The following BARHL2 variants were observed in gnomAD, a reference collection of about 807,000 sequenced individuals.
BARHL2 encodes the protein BarH like homeobox 2.
BARHL2 carries 10 observed loss-of-function variants against 27.1 expected under a neutral mutation model. The ratio of observed to expected loss-of-function variants is 0.37; its 90% CI spans 0.23 to 0.63. The LOEUF is 0.63. Among genes scored for constraint, BARHL2 ranks in the 20% least tolerant of loss-of-function variants. The pLI, the probability that BARHL2 is intolerant of heterozygous loss-of-function variation, is 0.65. For synonymous variants in BARHL2, 248 were observed against 224.7 expected (o/e 1.10, Z -0.93); for missense variants, 483 against 533.5 (o/e 0.91, Z 0.93).
In BARHL2 at chr1:90,711,618, C is replaced by G. The variant is rs185565149; in HGVS notation, c.*694G>C. On this transcript the variant is annotated 3_prime_UTR_variant, in exon 3 of 3. Transcript: ENST00000370445. ...TATTTTTGTCTAAGCATTTATTTTA[C>G]TGAATCGAAAAGACATGAAAAGAAA... 3.3e-5 allele frequency: 5 copies of G among 152,190 alleles called. No homozygotes were observed. Among genetic ancestry groups the G allele is most frequent in the Admixed American group, 2.0e-4 (3 of 15,292 alleles). 9.4% of individuals were successfully genotyped at this position (152,190 alleles called of 1,614,324 possible).
Position 90,717,248 on chromosome 1 carries a change from G to C in BARHL2, c.-53C>G, listed in dbSNP as rs758549445. 221 of 1,569,338 alleles carry C rather than the reference G, an allele frequency of 1.4e-4. 1 individual carries two copies. The highest frequency in any genetic ancestry group is 1.1e-3 in the Admixed American group (53 of 48,772). ...CGTTCAGCAGCCGCCCCGAACCAGC[G>C]AAGAAAGCTATCGATCGTAAAACAA... On this transcript the variant is annotated 5_prime_UTR_variant, in exon 1 of 3. Transcript: ENST00000370445.
At position 90,716,812 on chromosome 1, in the gene BARHL2, C is replaced by T; in HGVS notation, c.384G>A (p.Leu128=). 1.3e-6 allele frequency: 2 copies of T among 1,552,810 alleles called. No individual in the cohort carries two copies. The highest frequency in any genetic ancestry group is 1.7e-6 in the Non-Finnish European group (2 of 1,147,928). The change falls in exon 1 of 3, where the codon CTG becomes CTA. Residue 128 remains leucine, a synonymous_variant. Transcript: ENST00000370445. ...QQPPPPPPQQ[L]GSAASAPRTS... is the part of the protein sequence containing the mutation. ...TCCTGGGGGCCGAGGCGGCCGAGCC[C>T]AGCTGCTGGGGGGGCGGCGGCGGCG...
chr1:90,712,959 C>A (rs2100640140), intron 2 of BARHL2, among the ~76,000 whole-genome samples: 1 of 152,264 alleles, frequency 6.6e-6, no homozygotes, highest in East Asian at 1.9e-4. Context: ...TTCCTTAGGG[C>A]CAAAGGAGAC....
chr1:90,715,181 T>C (rs1246369255), intron 1 of BARHL2, among the ~76,000 whole-genome samples: 3 of 150,770 alleles, frequency 2.0e-5, no homozygotes, highest in African/African-American at 7.3e-5. Context: ...TTTTTTTTTT[T>C]TTTTTTTTTT....
intron 1 of BARHL2, 55 bp downstream of exon 1, chr1:90,716,516 T>G: frequency 6.4e-7 from 1 of 1,563,714 alleles, no homozygotes; most frequent in Non-Finnish European, 8.8e-7. Context: ...GAAGGGGAGA[T>G]TGGGAACCAG....
rs1220915341 is a variant in BARHL2, at chr1:90,716,916, G to A, written c.280C>T (p.Pro94Ser). 1 of 1,605,552 alleles carries A rather than the reference G, an allele frequency of 6.2e-7. No individual in the cohort carries two copies. The highest frequency in any genetic ancestry group is 8.5e-7 in the Non-Finnish European group (1 of 1,177,698). Reference protein sequence around the residue: ...HHHHLHHSQQPPPPAAAPTQS... With the variant: ...HHHHLHHSQQSPPPAAAPTQS... ...GTCGGGGCCGCGGCCGGCGGCGGCG[G>A]CTGCTGGCTGTGGTGGAGGTGGTGA... The change falls in exon 1 of 3, where the codon CCG becomes TCG. Residue 94 changes from proline (P) to serine (S), a missense_variant. Physicochemically the swap from Pro to Ser is moderately conservative, Grantham distance 74 (BLOSUM62 -1). Coordinates refer to ENST00000370445, the MANE Select transcript of BARHL2 (RefSeq NM_020063.2).
In BARHL2 at chr1:90,716,803, G is replaced by A; in HGVS notation, c.393C>T (p.Ala131=). ...ACGTGGAAGTCCTGGGGGCCGAGGC[G>A]GCCGAGCCCAGCTGCTGGGGGGGCG... ...PPPPPQQLGS[A]ASAPRTSTSS... The change falls in exon 1 of 3, where the codon GCC becomes GCT. Residue 131 remains alanine, a synonymous_variant. Coordinates refer to ENST00000370445, the MANE Select transcript of BARHL2 (RefSeq NM_020063.2). The A allele has an allele frequency of 1.3e-6, 2 of 1,552,786 alleles. No individual in the cohort carries two copies. The highest frequency in any genetic ancestry group is 8.7e-7 in the Non-Finnish European group (1 of 1,147,932).
In BARHL2 at chr1:90,717,221, G is replaced by T; in HGVS notation, c.-26C>A. The T allele has an allele frequency of 1.3e-6, 2 of 1,595,750 alleles. No homozygotes were observed. Among genetic ancestry groups the T allele is most frequent in the Non-Finnish European group, 1.7e-6 (2 of 1,174,216 alleles). On this transcript the variant is annotated 5_prime_UTR_variant, in exon 1 of 3. Transcript: ENST00000370445. ...TGCTACATGAGGTCCACGCCACTCC[G>T]CCGTTCAGCAGCCGCCCCGAACCAG...
rs1260114961 is a variant in BARHL2 at position 90,712,388 on chromosome 1, T to C, written c.1088A>G (p.His363Arg). 3 of 1,587,834 alleles carry C rather than the reference T, an allele frequency of 1.9e-6. No homozygotes were observed. Among genetic ancestry groups the C allele is most frequent in the Non-Finnish European group, 2.6e-6 (3 of 1,165,586 alleles). The change falls in exon 3 of 3, where the codon CAC (histidine) becomes CGC (arginine). Residue 363 changes from histidine to arginine, a missense_variant. His to Arg is a conservative substitution (Grantham distance 29, BLOSUM62 0). Transcript: ENST00000370445. ...QRPLVPRVLI[H>R]GLGPGGQPAL... ...TGGCTGTCCCCCAGGCCCTAGGCCG[T>C]GGATGAGCACACGGGGCACCAGGGG... is the stretch of plus-strand genomic sequence containing the variant.
At position 90,716,815 on chromosome 1, in the gene BARHL2, C is replaced by A; in HGVS notation, c.381G>T (p.Gln127His). Residue 127 changes from glutamine (Q) to histidine (H), a missense_variant, in exon 1 of 3, where the codon CAG becomes CAT. Gln to His is a conservative substitution (Grantham distance 24, BLOSUM62 0). Around this residue, in one of 3 missense-constraint regions of BARHL2, gnomAD observed 304 missense variants for 284.9 expected, o/e 1.07. Transcript: ENST00000370445. Reference sequence around the variant, plus strand: ...TGGGGGCCGAGGCGGCCGAGCCCAGCTGCTGGGGGGGCGGCGGCGGCGGCT... The same window carrying A: ...TGGGGGCCGAGGCGGCCGAGCCCAGATGCTGGGGGGGCGGCGGCGGCGGCT... ...PQQPPPPPPQ[Q>H]LGSAASAPRT... 6.4e-7 allele frequency: 1 copy of A among 1,552,634 alleles called. No homozygotes were observed. Among genetic ancestry groups the A allele is most frequent in the Non-Finnish European group, 8.7e-7 (1 of 1,147,828 alleles).
rs1658062209 is a variant in BARHL2, at chr1:90,712,696, T to TCTGGCCCCTTCC, written c.852-84_852-73dup. ...CCAGGCACCAAGACCCGGCCCCTTC[T>TCTGGCCCCTTCC]CTGGCCCCTTCCTGCCTCCTCCTTC... On this transcript the variant is annotated intron_variant, in intron 2 of 2. Transcript: ENST00000370445. 3.8e-5 allele frequency: 54 copies of TCTGGCCCCTTCC among 1,426,494 alleles called. No individual in the cohort carries two copies. In the South Asian group the frequency reaches 7.5e-4, roughly 20 times the overall value. The allele number at this position is 1,426,494 out of a possible 1,614,324, so 88.4% of individuals were successfully genotyped here. A position where few individuals can be genotyped will look rare whatever the true frequency, so the allele number is the denominator to read the frequency against.
chr1:90,712,675 G>A (rs1658061483), intron 2 of BARHL2, 51 bp from the exon 3 acceptor site: 7 of 1,516,662 alleles, frequency 4.6e-6, no homozygotes, highest in South Asian at 1.3e-5. Flanking sequence ...CATGGTCCAG[G>A]CACCAAGACC....
rs1426914914 is a variant in BARHL2 at position 90,711,699 on chromosome 1, TATG to T, written c.*610_*612del. ...CTCTTTTTGGACAACATATAATAAATATGATATATCACTTATCACTCAGTCTTT... is the reference window on the plus strand; with the variant it reads ...CTCTTTTTGGACAACATATAATAAATATATATCACTTATCACTCAGTCTTT... On this transcript the variant is annotated 3_prime_UTR_variant, in exon 3 of 3. Transcript: ENST00000370445. 2.0e-5 allele frequency: 3 copies of T among 152,166 alleles called. No homozygotes were observed. The highest frequency in any genetic ancestry group is 7.2e-5 in the African/African-American group (3 of 41,430). The allele number at this position is 152,166 out of a possible 1,614,324, so 9.4% of individuals were successfully genotyped here.
chr1:90,715,430 G>GT (rs919576399), intron 1 of BARHL2, among the ~76,000 whole-genome samples: 13 of 151,988 alleles, frequency 8.6e-5, no homozygotes, highest in African/African-American at 3.1e-4. Context: ...GTCAACTTTG[G>GT]TTTTTTACTG....
Position 90,714,525 on chromosome 1 carries a change from C to T in BARHL2, c.851+6G>A. On this transcript the variant is annotated splice_donor_region_variant and intron_variant, in intron 2 of 2. Coordinates refer to ENST00000370445, the MANE Select transcript of BARHL2 (RefSeq NM_020063.2). ...CACCTTTGCTCCCCCAAAGTGCCTC[C>T]CTTACCTGCGGTTCTGGTACCAGGT... 1 of 1,614,008 alleles carries T rather than the reference C, an allele frequency of 6.2e-7. No homozygotes were observed. Among genetic ancestry groups the T allele is most frequent in the Non-Finnish European group, 8.5e-7 (1 of 1,179,878 alleles).
At chr1:90,715,361 T>G (rs1185699065) in intron 1 of BARHL2, among the ~76,000 whole-genome samples, 2 of 152,184 alleles carry the variant, frequency 1.3e-5, no homozygotes, top group Non-Finnish European at 2.9e-5. Context: ...GACACCGAGT[T>G]GAGCTCAAAA....
Position 90,716,618 on chromosome 1 carries a change from G to C in BARHL2, c.578C>G (p.Thr193Ser). The C allele has an allele frequency of 6.2e-7, 1 of 1,614,212 alleles. No individual in the cohort carries two copies. Among genetic ancestry groups the C allele is most frequent in the Non-Finnish European group, 8.5e-7 (1 of 1,180,044 alleles). ...RPKLEQEDSK[T>S]KLDKREDSQS... Reference sequence around the variant, plus strand: ...GGAATCCTCCCGCTTGTCGAGTTTGGTCTTGCTGTCCTCCTGCTCGAGCTT... The same window carrying C: ...GGAATCCTCCCGCTTGTCGAGTTTGCTCTTGCTGTCCTCCTGCTCGAGCTT... The change falls in exon 1 of 3, where the codon ACC becomes AGC. Residue 193 changes from threonine to serine, a missense_variant. Around this residue, in one of 3 missense-constraint regions of BARHL2, gnomAD observed 304 missense variants for 284.9 expected, o/e 1.07. Coordinates refer to ENST00000370445, the MANE Select transcript of BARHL2 (RefSeq NM_020063.2).
chr1:90,715,187 T>C (rs1658119895), intron 1 of BARHL2, among the ~76,000 whole-genome samples: 1 of 150,942 alleles, frequency 6.6e-6, no homozygotes, highest in Non-Finnish European at 1.5e-5. Flanking sequence ...TTTTTTTTTT[T>C]TTTTTGAGGA....
At chr1:90,716,483 C>A in intron 1 of BARHL2, 88 bp downstream of exon 1, 1 of 1,398,066 alleles carries the variant, frequency 7.2e-7, no homozygotes, top group Non-Finnish European at 1.0e-6. Context: ...GAATCGCTCC[C>A]CAGCAGAGAT....
Sources: allele counts gnomAD v4.1 joint callset (sites outside exome capture counted in the v4.1 genomes callset), GRCh38; gene constraint gnomAD v4.1.1; regional missense constraint gnomAD v4.1.1; transcripts MANE v1.5; gene names NCBI Gene and HGNC (gene_info 2026-07-23, HGNC 2026-07-21).